The following HERC1 variants were observed in gnomAD, a reference collection of about 807,000 sequenced individuals.
HERC1 encodes the protein probable E3 ubiquitin-protein ligase HERC1.
A neutral mutation model predicts 554.3 loss-of-function variants in HERC1; 160 were observed. That is an observed-to-expected ratio of 0.29 (90% CI 0.25 to 0.33). The LOEUF (loss-of-function observed/expected upper bound fraction) is 0.33, where lower values mean the gene tolerates loss of function less well. HERC1 is among the 10% of genes least tolerant of loss of function. The pLI, the probability that HERC1 is intolerant of heterozygous loss-of-function variation, is 1.00. For synonymous variants in HERC1, 2,175 were observed against 2,131.7 expected (o/e 1.02, Z -0.56); for missense variants, 4,919 against 5,918.5 (o/e 0.83, Z 5.54).
In HERC1 at chr15:63,756,551, AAAGGCT is replaced by A; in HGVS notation, c.1413_1418del (p.Leu471_Ala472del). 1 of 1,613,876 alleles carries A rather than the reference AAAGGCT, an allele frequency of 6.2e-7. No homozygotes were observed. Among genetic ancestry groups the A allele is most frequent in the Non-Finnish European group, 8.5e-7 (1 of 1,179,756 alleles). On this transcript the variant is annotated inframe_deletion, in exon 5 of 78. Coordinates refer to ENST00000443617, the MANE Select transcript of HERC1 (RefSeq NM_003922.4). The surrounding 1 kb of genome is among the most constrained non-coding windows in gnomAD (Gnocchi z 5.0). ...AACTGAAGACTTCTCCTTCTGTCGT[AAAGGCT>A]AAAGTGTGACCATCAGATCCTTTAG...
In HERC1 at chr15:63,689,715, A is replaced by C. The variant is rs745727166; in HGVS notation, c.5938-16T>G. On this transcript the variant is annotated splice_polypyrimidine_tract_variant and intron_variant, in intron 32 of 77. Coordinates refer to ENST00000443617, the MANE Select transcript of HERC1 (RefSeq NM_003922.4). ...GCTCAACAATCTGTTTTATTGAAGA[A>C]AAAAGGATAAAATTTGTAAAAAGTA... 1 of 1,417,152 alleles carries C rather than the reference A, an allele frequency of 7.1e-7. No homozygotes were observed. The highest frequency in any genetic ancestry group is 9.6e-7 in the Non-Finnish European group (1 of 1,043,050). 87.8% of individuals were successfully genotyped at this position (1,417,152 alleles called of 1,614,324 possible).
At chr15:63,619,510 T>A (rs2067974865) in intron 74 of HERC1, among the ~76,000 whole-genome samples, 1 of 152,248 alleles carries the variant, frequency 6.6e-6, no homozygotes, top group South Asian at 2.1e-4. Context: ...GCTGGCCTCC[T>A]AAAATGAGTT....
chr15:63,729,772 C>T, intron 14 of HERC1, 123 bp from the exon 15 acceptor site: 1 of 908,058 alleles, frequency 1.1e-6, no homozygotes, highest in Admixed American at 2.4e-5. Flanking sequence ...CCTGTAATCC[C>T]AGCACTTTGG....
intron 74 of HERC1, among the ~76,000 whole-genome samples, chr15:63,620,672 G>A (rs1163977557): frequency 1.3e-5 from 2 of 151,904 alleles, no homozygotes; most frequent in Admixed American, 1.3e-4. Flanking sequence ...ATCAATCTGG[G>A]TGCTCCTGTA....
rs2068179427 is a variant in HERC1, at chr15:63,623,613, A to G, written c.13611+112T>C. 4.8e-6 allele frequency: 5 copies of G among 1,047,616 alleles called. No individual in the cohort carries two copies. In the East Asian group the frequency reaches 1.2e-4, roughly 25 times the overall value. The allele number at this position is 1,047,616 out of a possible 1,614,324, so 64.9% of individuals were successfully genotyped here. The stretch of plus-strand genomic sequence containing the variant: ...AGCATCACTTTATATGAGGCTCACA[A>G]ATGCATCCTTGCTACATTTATAAAA... On this transcript the variant is annotated intron_variant, in intron 73 of 77. Coordinates refer to ENST00000443617, the MANE Select transcript of HERC1 (RefSeq NM_003922.4).
At chr15:63,814,013 C>G (rs2077413312) in intron 1 of HERC1, among the ~76,000 whole-genome samples, 1 of 151,980 alleles carries the variant, frequency 6.6e-6, no homozygotes, top group African/African-American at 2.4e-5. Flanking sequence ...GAGCTGAGAT[C>G]GCACCATTGC....
Position 63,718,985 on chromosome 15 carries a change from G to T in HERC1, c.3743-88C>A, listed in dbSNP as rs2073690247. 3 of 799,966 alleles carry T rather than the reference G, an allele frequency of 3.8e-6. No homozygotes were observed. The highest frequency in any genetic ancestry group is 6.0e-6 in the Non-Finnish European group (3 of 499,520). The allele number at this position is 799,966 out of a possible 1,614,324, so 49.6% of individuals were successfully genotyped here. ...TTATAGCTTTAGTCATCCAACACCT[G>T]AATTTTATCATCTTTCTAAACTGTT... On this transcript the variant is annotated intron_variant, in intron 19 of 77. Coordinates refer to ENST00000443617, the MANE Select transcript of HERC1 (RefSeq NM_003922.4). This position sits in a 1 kb window ranked among gnomAD's most constrained non-coding sequence, Gnocchi z 4.2.
Position 63,663,207 on chromosome 15 carries a change from C to T in HERC1, c.8681-3G>A. The stretch of plus-strand genomic sequence containing the variant: ...CTGCACAGAGCGGTATAATCCCGCT[C>T]AGAACAAAACAAAAAAGGCATTTTA... On this transcript the variant is annotated splice_region_variant and splice_polypyrimidine_tract_variant and intron_variant, in intron 43 of 77. Coordinates refer to ENST00000443617, the MANE Select transcript of HERC1 (RefSeq NM_003922.4). 3.1e-6 allele frequency: 5 copies of T among 1,602,322 alleles called. No homozygotes were observed. The highest frequency in any genetic ancestry group is 4.3e-6 in the Non-Finnish European group (5 of 1,173,988).
chr15:63,653,284 T>C (rs1358157760), intron 51 of HERC1, among the ~76,000 whole-genome samples: 1 of 151,868 alleles, frequency 6.6e-6, no homozygotes, highest in Non-Finnish European at 1.5e-5. Flanking sequence ...CCACTAAAAA[T>C]ACAAAAAAAT....
At chr15:63,716,765 C>T (rs1411086611) in intron 21 of HERC1, among the ~76,000 whole-genome samples, 1 of 152,066 alleles carries the variant, frequency 6.6e-6, no homozygotes, top group African/African-American at 2.4e-5. Flanking sequence ...TCCTACAGAG[C>T]TGCAACTTAG....
chr15:63,686,436 T>C lies in HERC1; in HGVS notation c.6148A>G (p.Ile2050Val). The C allele has an allele frequency of 6.2e-7, 1 of 1,613,904 alleles. No homozygotes were observed. The highest frequency in any genetic ancestry group is 1.1e-5 in the South Asian group (1 of 91,076). ...TTCCCTCCACTGCCGTGAGTTAAAA[T>C]CTGTCCATTCTCCACTAGGCAACAC... is the stretch of plus-strand genomic sequence containing the variant. ...AQCCLVENGQ[I>V]LTHGSGGKGY... The change falls in exon 34 of 78, where the codon ATT (isoleucine) becomes GTT (valine). Residue 2050 changes from isoleucine (I) to valine (V), a missense_variant. Physicochemically the swap from Ile to Val is conservative, Grantham distance 29. This residue lies in a region of HERC1 where 1,121 missense variants were observed against 1,244.0 expected (regional missense o/e 0.90). Coordinates refer to ENST00000443617, the MANE Select transcript of HERC1 (RefSeq NM_003922.4).
rs74436515 is a variant in HERC1 at position 63,753,381 on chromosome 15, A to G, written c.1775-296T>C. Among the ~76,000 whole-genome samples, 2,530 of 152,310 alleles carry G rather than the reference A, an allele frequency of 0.017. 38 individuals are homozygous for G. Among genetic ancestry groups the G allele is most frequent in the South Asian group, 0.039 (187 of 4,828 alleles). On this transcript the variant is annotated intron_variant, in intron 7 of 77. Transcript: ENST00000443617. ...CTGTCTTTCTCCCCCTTTAATGGCT[A>G]TATTTCTAACTTCAAATTTGCTGAC...
At chr15:63,744,110 C>CTCTGTGTG (rs1555433487) in intron 12 of HERC1, among the ~76,000 whole-genome samples, 1 of 93,424 alleles carries the variant, frequency 1.1e-5, no homozygotes, top group African/African-American at 4.8e-5. Context: ...CCCAAACAGA[C>CTCTGTGTG]TGTGTGTGTG....
At chr15:63,616,382 C>T in intron 75 of HERC1, 48 bp downstream of exon 75, 1 of 1,575,604 alleles carries the variant, frequency 6.3e-7, no homozygotes, top group Non-Finnish European at 8.6e-7. Flanking sequence ...CTAGTCTGTG[C>T]ATATAGGACG....
intron 12 of HERC1, among the ~76,000 whole-genome samples, chr15:63,735,891 T>C (rs1223957393): frequency 6.6e-6 from 1 of 152,190 alleles, no homozygotes; most frequent in Admixed American, 6.5e-5. Context: ...CAGAGTACTC[T>C]ACTCAAACTA....
chr15:63,653,060 T>A (rs1433502842), intron 51 of HERC1, among the ~76,000 whole-genome samples: 1 of 152,232 alleles, frequency 6.6e-6, no homozygotes, highest in African/African-American at 2.4e-5. Context: ...CCTATTATAA[T>A]CTTTACTAAA....
chr15:63,626,936 T>C (rs151192416), intron 70 of HERC1, among the ~76,000 whole-genome samples: 424 of 152,316 alleles, frequency 2.8e-3, no homozygotes, highest in Non-Finnish European at 4.5e-3. Context: ...GTGCTATTAT[T>C]ATCCTCATTT....
At chr15:63,804,237 C>T (rs1322501542) in intron 1 of HERC1, among the ~76,000 whole-genome samples, 1 of 152,162 alleles carries the variant, frequency 6.6e-6, no homozygotes, top group Non-Finnish European at 1.5e-5. Context: ...TCTTAAATAG[C>T]ACACAATAAA....
chr15:63,820,509 A>C (rs1263680718), intron 1 of HERC1, among the ~76,000 whole-genome samples: 2 of 152,218 alleles, frequency 1.3e-5, no homozygotes, highest in African/African-American at 4.8e-5. Context: ...TCAGTTATCA[A>C]GGCTGCTTAC....
Sources: allele counts gnomAD v4.1 joint callset (sites outside exome capture counted in the v4.1 genomes callset), GRCh38; gene constraint gnomAD v4.1.1; regional missense constraint gnomAD v4.1.1; non-coding constraint Gnocchi (gnomAD v3.1); transcripts MANE v1.5; gene names NCBI Gene and HGNC (gene_info 2026-07-23, HGNC 2026-07-21).